MINDY3: variants seen among roughly 807,000 people sequenced by gnomAD.
MINDY3 encodes the protein ubiquitin carboxyl-terminal hydrolase MINDY-3.
MINDY3 carries 38 observed loss-of-function variants against 69.2 expected under a neutral mutation model. The ratio of observed to expected loss-of-function variants is 0.55; its 90% CI spans 0.42 to 0.72. MINDY3 has a LOEUF of 0.72. Ranked by LOEUF, MINDY3 falls within the 30% of genes least tolerant of loss-of-function variation. MINDY3 has a pLI of 0.00. For synonymous variants in MINDY3, 192 were observed against 180.1 expected, an observed-to-expected ratio of 1.07 and a Z score of -0.53; for missense variants, 522 against 519.0, an observed-to-expected ratio of 1.01 and a Z score of -0.06.
Position 15,834,419 on chromosome 10 carries a change from C to CAT in MINDY3, c.650+122_650+123dup, listed in dbSNP as rs1832939201. On this transcript the variant is annotated intron_variant, in intron 7 of 14. Coordinates refer to ENST00000277632, the MANE Select transcript of MINDY3 (RefSeq NM_024948.4). ...CATAATACAAAGAAGTGCTCAAATC[C>CAT]ATACATGTTGTACTGTCAACACTAC... 4 of 582,586 alleles carry CAT rather than the reference C, an allele frequency of 6.9e-6. No homozygotes were observed. The East Asian group carries it at 1.1e-4, about 16-fold the overall frequency. 36.1% of individuals were successfully genotyped at this position (582,586 alleles called of 1,614,324 possible).
At chr10:15,831,751 C>A (rs562481385) in intron 8 of MINDY3, among the ~76,000 whole-genome samples, 198 of 149,718 alleles carry the variant, frequency 1.3e-3, no homozygotes, top group Non-Finnish European at 2.3e-3. Context: ...TCTCAGCTCA[C>A]TGCAACCTCC....
chr10:15,795,774 C>T (rs990258211), intron 11 of MINDY3, among the ~76,000 whole-genome samples: 1 of 151,902 alleles, frequency 6.6e-6, no homozygotes, highest in South Asian at 2.1e-4. Context: ...ATTTAATATT[C>T]GTTTGGATAA....
intron 10 of MINDY3, among the ~76,000 whole-genome samples, chr10:15,806,636 A>G (rs539460545): frequency 6.6e-6 from 1 of 152,268 alleles, no homozygotes; most frequent in South Asian, 2.1e-4. Flanking sequence ...AGCTTTCCAT[A>G]TCAAGACAGA....
At chr10:15,847,141 A>C (rs760961209) in intron 2 of MINDY3, among the ~76,000 whole-genome samples, 2 of 152,248 alleles carry the variant, frequency 1.3e-5, no homozygotes, top group Non-Finnish European at 2.9e-5. Flanking sequence ...CAGTTCTTTT[A>C]TAACACTTCC....
At chr10:15,858,635 A>C (rs943630433) in intron 1 of MINDY3, among the ~76,000 whole-genome samples, 6 of 152,210 alleles carry the variant, frequency 3.9e-5, no homozygotes, top group Non-Finnish European at 7.4e-5. Flanking sequence ...AATCACATGA[A>C]CCTGAACCAA....
chr10:15,844,736 C>T (rs1056142342), intron 2 of MINDY3, among the ~76,000 whole-genome samples: 1 of 152,136 alleles, frequency 6.6e-6, no homozygotes, highest in Non-Finnish European at 1.5e-5. Context: ...ATTTAAAATT[C>T]CTACCCACAA....
chr10:15,793,443 T>A (rs1239435219), intron 11 of MINDY3, among the ~76,000 whole-genome samples: 1 of 152,148 alleles, frequency 6.6e-6, no homozygotes, highest in South Asian at 2.1e-4. Context: ...ATGCTTGATA[T>A]CAAAATAAGT....
At chr10:15,829,200 G>A (rs1253199205) in intron 8 of MINDY3, among the ~76,000 whole-genome samples, 1 of 152,204 alleles carries the variant, frequency 6.6e-6, no homozygotes, top group Non-Finnish European at 1.5e-5. Flanking sequence ...GGGTTAAGTG[G>A]AGAGACATTA....
intron 8 of MINDY3, among the ~76,000 whole-genome samples, chr10:15,832,913 C>T (rs1281095841): frequency 6.6e-6 from 1 of 152,106 alleles, no homozygotes; most frequent in Non-Finnish European, 1.5e-5. Context: ...TGACTGTGAG[C>T]TCTGGGAACC....
chr10:15,840,724 A>C (rs1333719094), intron 4 of MINDY3, among the ~76,000 whole-genome samples: 4 of 151,648 alleles, frequency 2.6e-5, no homozygotes, highest in Non-Finnish European at 5.9e-5. Context: ...AAAGCAAATC[A>C]GAAAAGCAAC....
At chr10:15,814,555 T>C (rs2131968983) in intron 10 of MINDY3, among the ~76,000 whole-genome samples, 1 of 151,918 alleles carries the variant, frequency 6.6e-6, no homozygotes, top group Middle Eastern at 3.4e-3. Flanking sequence ...TCAAGAGTTC[T>C]ACACCCACAT....
intron 8 of MINDY3, among the ~76,000 whole-genome samples, chr10:15,825,955 A>G (rs1039831666): frequency 2.0e-5 from 3 of 152,172 alleles, no homozygotes; most frequent in Non-Finnish European, 4.4e-5. Context: ...TATAAAATAA[A>G]AATAATCATC....
In MINDY3 at chr10:15,860,294, G is replaced by C. The variant is rs1260480781; in HGVS notation, c.6C>G (p.Ser2=). The C allele has an allele frequency of 6.2e-6, 10 of 1,603,294 alleles. No homozygotes were observed. Among genetic ancestry groups the C allele is most frequent in the Non-Finnish European group, 8.5e-6 (10 of 1,174,756 alleles). Residue 2 remains serine (S), a synonymous_variant, in exon 1 of 15, where the codon TCC becomes TCG. Coordinates refer to ENST00000277632, the MANE Select transcript of MINDY3 (RefSeq NM_024948.4). M[S]ELTKELMELV... is the part of the protein sequence containing the mutation. The stretch of plus-strand genomic sequence containing the variant: ...GCTCCATCAGCTCTTTAGTCAGTTC[G>C]GACATGATGAGGAACCGGCGGGCGG...
At chr10:15,783,059 A>G (rs1836669267) in intron 13 of MINDY3, among the ~76,000 whole-genome samples, 1 of 152,144 alleles carries the variant, frequency 6.6e-6, no homozygotes, top group South Asian at 2.1e-4. Flanking sequence ...GGCCCTCCTT[A>G]GAATTTTTTC....
chr10:15,846,762 C>T (rs1435931579), intron 2 of MINDY3, among the ~76,000 whole-genome samples: 12 of 146,308 alleles, frequency 8.2e-5, no homozygotes, highest in South Asian at 2.1e-4. Context: ...CTCGCTCTGT[C>T]GCCCAGGCTG....
rs561081394 is a variant in MINDY3, at chr10:15,829,387, C to T, written c.730+4243G>A. Among the ~76,000 whole-genome samples, 3 of 152,230 alleles carry T rather than the reference C, an allele frequency of 2.0e-5. No individual in the cohort carries two copies. In the East Asian group the frequency reaches 5.8e-4, roughly 29 times the overall value. ...ATATGAATGCCCAGATTCCAGCTGA[C>T]AACAATTCCATTACAATCTCTAGGT... is the stretch of plus-strand genomic sequence containing the variant. On this transcript the variant is annotated intron_variant, in intron 8 of 14. Transcript: ENST00000277632.
chr10:15,848,186 G>A (rs1299821042), intron 1 of MINDY3, among the ~76,000 whole-genome samples: 1 of 152,126 alleles, frequency 6.6e-6, no homozygotes, highest in African/African-American at 2.4e-5. Context: ...TCCTCTAGGA[G>A]GATAAAGTAT....
chr10:15,778,833 A>T lies in MINDY3; in HGVS notation c.*159T>A, dbSNP rs978017064. 3.5e-6 allele frequency: 2 copies of T among 576,156 alleles called. No homozygotes were observed. The highest frequency in any genetic ancestry group is 7.1e-5 in the Admixed American group (2 of 28,062). 35.7% of individuals were successfully genotyped at this position (576,156 alleles called of 1,614,324 possible). A position where few individuals can be genotyped will look rare whatever the true frequency, so the allele number is the denominator to read the frequency against. ...ATCTTTAACATAAAGCTTTAGGACAAATAATTTAAACATATCATAAACACT... is the reference window on the plus strand; with the variant it reads ...ATCTTTAACATAAAGCTTTAGGACATATAATTTAAACATATCATAAACACT... On this transcript the variant is annotated 3_prime_UTR_variant, in exon 15 of 15. Coordinates refer to ENST00000277632, the MANE Select transcript of MINDY3 (RefSeq NM_024948.4).
At chr10:15,860,165 A>G in intron 1 of MINDY3, 41 bp downstream of exon 1, 6 of 1,482,596 alleles carry the variant, frequency 4.0e-6, no homozygotes, top group Non-Finnish European at 5.6e-6. Context: ...CGCAGGGCAA[A>G]AGAAGCAGCG....
Sources: allele counts gnomAD v4.1 joint callset (sites outside exome capture counted in the v4.1 genomes callset), GRCh38; gene constraint gnomAD v4.1.1; transcripts MANE v1.5; gene names NCBI Gene and HGNC (gene_info 2026-07-23, HGNC 2026-07-21).